Variants in TP53TG5 observed in about 807,000 individuals in gnomAD.
TP53TG5 encodes TP53-target gene 5 protein.
Under a neutral mutation model 30.0 loss-of-function variants are expected in TP53TG5, and 17 were observed. The observed-to-expected ratio is 0.57, with a 90% confidence interval of 0.39 to 0.85. The LOEUF (loss-of-function observed/expected upper bound fraction) is 0.85, where lower values mean the gene tolerates loss of function less well. Among genes scored for constraint, TP53TG5 ranks in the 40% least tolerant of loss-of-function variants. TP53TG5 has a pLI of 0.00. For missense variants in TP53TG5, 338 were observed against 367.9 expected, an observed-to-expected ratio of 0.92 and a Z score of 0.67; for synonymous variants, 137 against 139.2, an observed-to-expected ratio of 0.98 and a Z score of 0.11.
intron 4 of TP53TG5, 107 bp downstream of exon 4, chr20:45,374,932 A>C (rs1473336293): frequency 2.1e-6 from 3 of 1,459,952 alleles, no homozygotes; most frequent in Non-Finnish European, 2.8e-6. Flanking sequence ...TACCAGCCAC[A>C]CACCACTCAA....
rs1371183347 is a variant in TP53TG5, at chr20:45,375,180, G to A, written c.627C>T (p.Ile209=). 1.2e-6 allele frequency: 2 copies of A among 1,614,180 alleles called. No homozygotes were observed. Among genetic ancestry groups the A allele is most frequent in the Non-Finnish European group, 1.7e-6 (2 of 1,180,038 alleles). The stretch of plus-strand genomic sequence containing the variant: ...TTCGTGTGGGCAGCCCCTCAAACCA[G>A]ATCCACTGGTCGGCTACATCCAGCT... ...MKQLDVADQW[I]WFEGLPTRIH... The change falls in exon 4 of 5, where the codon ATC becomes ATT. Residue 209 remains isoleucine (I), a synonymous_variant. Transcript: ENST00000372726.
Position 45,372,736 on chromosome 20 carries a change from G to A in TP53TG5, c.*1171C>T, listed in dbSNP as rs1988591563. On this transcript the variant is annotated 3_prime_UTR_variant, in exon 5 of 5. Transcript: ENST00000372726. Reference sequence around the variant, plus strand: ...GCACGGGAATTAGCGGGGTGGTGGGGGCGGAGGTAGGCACCGACCGTAGGG... The same window carrying A: ...GCACGGGAATTAGCGGGGTGGTGGGAGCGGAGGTAGGCACCGACCGTAGGG... 1 of 152,294 alleles carries A rather than the reference G, an allele frequency of 6.6e-6. No individual in the cohort carries two copies. Among genetic ancestry groups the A allele is most frequent in the Non-Finnish European group, 1.5e-5 (1 of 68,120 alleles). 9.4% of individuals were successfully genotyped at this position (152,294 alleles called of 1,614,324 possible).
intron 4 of TP53TG5, 125 bp from the exon 5 acceptor site, chr20:45,374,136 A>G (rs1988645296): frequency 7.1e-6 from 6 of 841,864 alleles, no homozygotes; most frequent in Admixed American, 2.1e-5. Flanking sequence ...TTTGCTAAAA[A>G]GGAAAAGCCT....
At chr20:45,376,259 T>G (rs946425658) in intron 3 of TP53TG5, 2 of 152,246 alleles carry the variant, frequency 1.3e-5, no homozygotes, top group African/African-American at 4.8e-5. Flanking sequence ...TGTAACAGAC[T>G]GGGCCCCCTG....
intron 3 of TP53TG5, chr20:45,376,903 G>A (rs756995239): frequency 1.5e-5 from 4 of 270,268 alleles, no homozygotes; most frequent in Non-Finnish European, 2.8e-5. Flanking sequence ...TAACCTGTCT[G>A]TCTCAGTGCC....
rs1455075543 is a variant in TP53TG5, at chr20:45,372,985, C to A, written c.*922G>T. The A allele has an allele frequency of 6.6e-6, 1 of 152,398 alleles. No individual in the cohort carries two copies. The highest frequency in any genetic ancestry group is 1.5e-5 in the Non-Finnish European group (1 of 68,196). 9.4% of individuals were successfully genotyped at this position (152,398 alleles called of 1,614,324 possible). A position where few individuals can be genotyped will look rare whatever the true frequency, so the allele number is the denominator to read the frequency against. On this transcript the variant is annotated 3_prime_UTR_variant, in exon 5 of 5. Transcript: ENST00000372726. ...TCTCCCTCTGTCCCAAACTGGAGAT[C>A]TATCTGCATCGCTGCCCTGACCCCC...
In TP53TG5 at chr20:45,375,522, T is replaced by C. The variant is rs1280218304; in HGVS notation, c.285A>G (p.Gln95=). ...GENSACNKTK[Q]NNEEFQEIGC... ...CGATCTCCTGGAACTCTTCATTATT[T>C]TGTTTTGTTTTATTGCAGGCACTGT... Residue 95 remains glutamine, a synonymous_variant, in exon 4 of 5, where the codon CAA becomes CAG. Transcript: ENST00000372726. The C allele has an allele frequency of 1.2e-6, 2 of 1,609,946 alleles. No homozygotes were observed. The highest frequency in any genetic ancestry group is 1.7e-5 in the Admixed American group (1 of 59,692).
In TP53TG5 at chr20:45,375,208, T is replaced by C; in HGVS notation, c.599A>G (p.Lys200Arg). The C allele has an allele frequency of 6.2e-7, 1 of 1,614,178 alleles. No individual in the cohort carries two copies. The highest frequency in any genetic ancestry group is 1.3e-5 in the African/African-American group (1 of 75,042). ...CCACTGGTCGGCTACATCCAGCTGC[T>C]TCATGTGCCCCATGGGAGTTCTATT... ...YRNRTPMGHM[K>R]QLDVADQWIW... is the part of the protein sequence containing the mutation. Residue 200 changes from lysine (K) to arginine (R), a missense_variant, in exon 4 of 5, where the codon AAG (lysine) becomes AGG (arginine). By Grantham distance (26) the Lys-to-Arg change is conservative. Transcript: ENST00000372726.
At position 45,373,778 on chromosome 20, in the gene TP53TG5, TG is replaced by T; in HGVS notation, c.*128del. 1.4e-6 allele frequency: 1 copy of T among 713,118 alleles called. No homozygotes were observed. Among genetic ancestry groups the T allele is most frequent in the Non-Finnish European group, 2.2e-6 (1 of 460,072 alleles). 44.2% of individuals were successfully genotyped at this position (713,118 alleles called of 1,614,324 possible). ...TAGACTGACCTTAGGGGCCTCGGGGTGGGGGTGGGGGAAGCCTGAAGTCGCG... is the reference window on the plus strand; with the variant it reads ...TAGACTGACCTTAGGGGCCTCGGGGTGGGGTGGGGGAAGCCTGAAGTCGCG... On this transcript the variant is annotated 3_prime_UTR_variant, in exon 5 of 5. Transcript: ENST00000372726.
chr20:45,374,501 G>C, intron 4 of TP53TG5: 1 of 535,540 alleles, frequency 1.9e-6, no homozygotes, highest in South Asian at 3.0e-5. Flanking sequence ...TGAACTCCTG[G>C]CCTCAAGCAG....
Position 45,377,248 on chromosome 20 carries a change from A to G in TP53TG5, c.218T>C (p.Leu73Pro). ...HKLAKRCWHS[L>P]LSVPKILRIS... ...GCGGAGAATCTTTGGAACACTGAGC[A>G]GTGAATGCCAACACCTTTTGGCCAG... Residue 73 changes from leucine (L) to proline (P), a missense_variant, in exon 3 of 5, where the codon CTG becomes CCG. Physicochemically the swap from Leu to Pro is moderately conservative, Grantham distance 98. Transcript: ENST00000372726. The G allele has an allele frequency of 3.1e-6, 5 of 1,614,112 alleles. No homozygotes were observed. The highest frequency in any genetic ancestry group is 1.1e-5 in the South Asian group (1 of 91,076).
chr20:45,377,413 C>T, intron 2 of TP53TG5, 71 bp from the exon 3 acceptor site: 3 of 1,610,786 alleles, frequency 1.9e-6, no homozygotes, highest in South Asian at 1.1e-5. Context: ...CCCCTGCCTG[C>T]CTCTGGCTCC....
chr20:45,375,013 C>G, intron 4 of TP53TG5, 26 bp downstream of exon 4: 2 of 1,599,032 alleles, frequency 1.3e-6, no homozygotes, highest in Non-Finnish European at 1.7e-6. Context: ...TCTCACCTAG[C>G]CTGGCAGTGT....
rs747145801 is a variant in TP53TG5, at chr20:45,375,318, C to T, written c.489G>A (p.Ser163=). 6 of 1,614,164 alleles carry T rather than the reference C, an allele frequency of 3.7e-6. No homozygotes were observed. Among genetic ancestry groups the T allele is most frequent in the Middle Eastern group, 1.6e-4 (1 of 6,062 alleles). The change falls in exon 4 of 5, where the codon TCG becomes TCA. Residue 163 remains serine, a synonymous_variant. Coordinates refer to ENST00000372726, the MANE Select transcript of TP53TG5 (RefSeq NM_014477.3). ...CTCCAGGGTTCAAGCTATCATCCCT[C>T]GATGTCCTTGGAACCTCAGGCTCTA... is the stretch of plus-strand genomic sequence containing the variant. ...KHIEPEVPRT[S]RDDSLNPGVQ...
At chr20:45,377,677 T>G in intron 1 of TP53TG5, 64 bp from the exon 2 acceptor site, 1 of 1,528,810 alleles carries the variant, frequency 6.5e-7, no homozygotes, top group East Asian at 2.3e-5. Context: ...GTGCCTCATG[T>G]CTGTAATCCC....
chr20:45,374,077 G>A, intron 4 of TP53TG5, 66 bp from the exon 5 acceptor site: 1 of 1,480,004 alleles, frequency 6.8e-7, no homozygotes, highest in Non-Finnish European at 9.4e-7. Flanking sequence ...CGTTTGGGGA[G>A]CGGGCGCAGG....
At chr20:45,374,322 G>T in intron 4 of TP53TG5, 1 of 688,576 alleles carries the variant, frequency 1.5e-6, no homozygotes, top group South Asian at 1.5e-5. Context: ...GCCCAGGCTG[G>T]AGTGCAGTGG....
At chr20:45,374,571 C>G (rs1600755473) in intron 4 of TP53TG5, 2 of 492,756 alleles carry the variant, frequency 4.1e-6, no homozygotes, top group African/African-American at 1.9e-5. Context: ...CATGCCTAGC[C>G]TGTTCAGAGT....
At chr20:45,374,913 T>G (rs1041443004) in intron 4 of TP53TG5, 126 bp downstream of exon 4, 1 of 1,341,376 alleles carries the variant, frequency 7.5e-7, no homozygotes, top group Non-Finnish European at 1.0e-6. Context: ...AGGCGGAGCC[T>G]CCCAGCACTA....
Sources: gnomAD v4.1 joint callset for allele counts on GRCh38, gnomAD v4.1.1 for gene constraint, MANE v1.5 for transcripts, NCBI Gene and HGNC (gene_info 2026-07-23, HGNC 2026-07-21) for gene names.